HYCC2: variants seen among roughly 807,000 people sequenced by gnomAD.
HYCC2 encodes the protein hyccin PI4KA lipid kinase complex subunit 2, also known as hyccin 2.
the HYCC2 span, chr2:201,063,025 T>C: frequency 6.3e-7 from 1 of 1,581,776 alleles, no homozygotes; most frequent in African/African-American, 1.4e-5. Context: ...ATAAAAATCT[T>C]CTCCTTTCTG....
chr2:201,001,121 G>C, the HYCC2 span, among the ~76,000 whole-genome samples: 486 of 147,972 alleles, frequency 3.3e-3, 1 homozygote, highest in African/African-American at 0.011. Flanking sequence ...CTGGGTGACA[G>C]AGCTAGACTC....
the HYCC2 span, among the ~76,000 whole-genome samples, chr2:201,013,724 A>G: frequency 6.6e-6 from 1 of 152,188 alleles, no homozygotes; most frequent in Admixed American, 6.6e-5. Context: ...GCTTCAGAGA[A>G]AGCCTATGCT....
chr2:201,029,848 G>T, the HYCC2 span, among the ~76,000 whole-genome samples: 1 of 152,168 alleles, frequency 6.6e-6, no homozygotes, highest in African/African-American at 2.4e-5. Flanking sequence ...GTTAATGGGT[G>T]CAGCAAACCA....
chr2:201,066,117 G>A, the HYCC2 span, among the ~76,000 whole-genome samples: 6 of 147,594 alleles, frequency 4.1e-5, no homozygotes, highest in Admixed American at 2.1e-4. Context: ...TCACTTCATC[G>A]CCCAGGCTGG....
the HYCC2 span, among the ~76,000 whole-genome samples, chr2:201,039,736 C>T: frequency 9.7e-3 from 1,472 of 152,224 alleles, 27 homozygotes; most frequent in African/African-American, 0.034. Flanking sequence ...TAAAAGAATA[C>T]ATAAAGTTAA....
At chr2:201,022,178 T>A in the HYCC2 span, 2 of 948,602 alleles carry the variant, frequency 2.1e-6, no homozygotes, top group South Asian at 2.7e-5. Context: ...CATACATGAA[T>A]CCAGTGGTGA....
chr2:200,996,089 T>G, the HYCC2 span: 1 of 149,482 alleles, frequency 6.7e-6, no homozygotes, highest in Non-Finnish European at 1.5e-5. Flanking sequence ...TGGAGTGCAG[T>G]GGCGTGATCT....
chr2:200,981,326 A>G, the HYCC2 span: 3 of 1,613,968 alleles, frequency 1.9e-6, no homozygotes, highest in Non-Finnish European at 2.5e-6. The surrounding 1 kb of genome is among the most constrained non-coding windows in gnomAD (Gnocchi z 4.5). Flanking sequence ...TGCTTGGTCA[A>G]GGGGGCTCCT....
chr2:201,038,618 T>A, the HYCC2 span, among the ~76,000 whole-genome samples: 2 of 152,030 alleles, frequency 1.3e-5, no homozygotes, highest in Non-Finnish European at 1.5e-5. Context: ...CTGGAAACCA[T>A]CATTCTCAGC....
chr2:201,036,407 T>C, the HYCC2 span, among the ~76,000 whole-genome samples: 1 of 152,130 alleles, frequency 6.6e-6, no homozygotes, highest in Admixed American at 6.6e-5. Flanking sequence ...GCCAGCATCA[T>C]CCTGATACCA....
At chr2:201,022,781 T>C in the HYCC2 span, 15 of 1,156,554 alleles carry the variant, frequency 1.3e-5, no homozygotes, top group East Asian at 3.7e-4. Context: ...TGTTTTGGTA[T>C]ACATATTTCA....
chr2:200,985,232 G>T, the HYCC2 span, among the ~76,000 whole-genome samples: 1 of 152,046 alleles, frequency 6.6e-6, no homozygotes, highest in Non-Finnish European at 1.5e-5. Context: ...CATCTGAAAT[G>T]GAATTTTTTT....
At chr2:201,014,364 G>A in the HYCC2 span, among the ~76,000 whole-genome samples, 1 of 152,008 alleles carries the variant, frequency 6.6e-6, no homozygotes, top group African/African-American at 2.4e-5. Flanking sequence ...AAAACAATCA[G>A]GCAAGTTAGG....
the HYCC2 span, among the ~76,000 whole-genome samples, chr2:201,071,075 A>G: frequency 6.6e-6 from 1 of 152,196 alleles, no homozygotes; most frequent in Non-Finnish European, 1.5e-5. Context: ...CTCTCCCAGG[A>G]GGGACAACCT....
At chr2:201,022,614 A>G in the HYCC2 span, 1 of 397,908 alleles carries the variant, frequency 2.5e-6, no homozygotes, top group Non-Finnish European at 4.5e-6. Context: ...CAATCAAAAC[A>G]TACTGCACAC....
chr2:201,044,972 T>C, the HYCC2 span, among the ~76,000 whole-genome samples: 5 of 152,224 alleles, frequency 3.3e-5, no homozygotes, highest in Non-Finnish European at 5.9e-5. Context: ...CAGGACAACA[T>C]ATGAAATAGC....
chr2:200,984,666 C>A, the HYCC2 span, among the ~76,000 whole-genome samples: 1 of 152,198 alleles, frequency 6.6e-6, no homozygotes. Flanking sequence ...AGGCAGATCC[C>A]TTGAGTTGAG....
chr2:201,063,069 T>A, the HYCC2 span: 1 of 1,608,114 alleles, frequency 6.2e-7, no homozygotes, highest in Non-Finnish European at 8.5e-7. Flanking sequence ...ATCGTTAAAG[T>A]CTCTCTTCAC....
At chr2:201,018,251 T>C in the HYCC2 span, among the ~76,000 whole-genome samples, 1 of 152,144 alleles carries the variant, frequency 6.6e-6, no homozygotes, top group Non-Finnish European at 1.5e-5. Context: ...ATGGGTTTGC[T>C]GGAGTAACCG....
Sources: gnomAD v4.1 joint callset for allele counts (sites outside exome capture counted in the v4.1 genomes callset) on GRCh38, gnomAD v4.1.1 for gene constraint, Gnocchi (gnomAD v3.1) non-coding constraint, MANE v1.5 for transcripts, NCBI Gene and HGNC (gene_info 2026-07-23, HGNC 2026-07-21) for gene names.